The following TCF7L2 variants were observed in gnomAD, a reference collection of about 807,000 sequenced individuals.
TCF7L2 encodes the protein transcription factor 7 like 2, also known as transcription factor 7-like 2.
A neutral mutation model predicts 77.9 loss-of-function variants in TCF7L2; 23 were observed. The ratio of observed to expected loss-of-function variants is 0.30; its 90% CI spans 0.21 to 0.42. The LOEUF (loss-of-function observed/expected upper bound fraction) is 0.42, where lower values mean the gene tolerates loss of function less well. TCF7L2 is among the 10% of genes least tolerant of loss of function. The pLI, the probability that TCF7L2 is intolerant of heterozygous loss-of-function variation, is 1.00. For synonymous variants in TCF7L2, 413 were observed against 340.2 expected (o/e 1.21, Z -2.36); for missense variants, 654 against 793.1 (o/e 0.82, Z 2.11).
intron 4 of TCF7L2, among the ~76,000 whole-genome samples, chr10:112,991,103 T>G (rs2042452098): frequency 6.6e-6 from 1 of 152,146 alleles, no homozygotes; most frequent in Non-Finnish European, 1.5e-5. Flanking sequence ...TCGGACTGCC[T>G]GGCTTGTCTC....
intron 3 of TCF7L2, among the ~76,000 whole-genome samples, chr10:112,960,959 C>A (rs2034936804): frequency 6.6e-6 from 1 of 152,188 alleles, no homozygotes; most frequent in Admixed American, 6.5e-5. Flanking sequence ...TCCCAAAATG[C>A]TGGGATTACA....
At chr10:113,057,793 G>C (rs996904828) in intron 5 of TCF7L2, among the ~76,000 whole-genome samples, 8 of 152,174 alleles carry the variant, frequency 5.3e-5, no homozygotes, top group Non-Finnish European at 7.3e-5. Context: ...GACCTTTTCA[G>C]TGGTCATTCA....
chr10:113,021,951 G>A (rs1445467217), intron 4 of TCF7L2, among the ~76,000 whole-genome samples: 2 of 152,132 alleles, frequency 1.3e-5, no homozygotes, highest in Admixed American at 6.5e-5. Context: ...GGGGCACCAG[G>A]AGTTCTTTGA....
chr10:113,051,248 C>CACACAT (rs1564828540), intron 5 of TCF7L2, among the ~76,000 whole-genome samples: 1 of 143,318 alleles, frequency 7.0e-6, no homozygotes, highest in African/African-American at 2.6e-5. Context: ...CACACAGACA[C>CACACAT]ATACATATGC....
At chr10:113,070,053 C>G (rs921598067) in intron 5 of TCF7L2, among the ~76,000 whole-genome samples, 1 of 151,766 alleles carries the variant, frequency 6.6e-6, no homozygotes, top group Non-Finnish European at 1.5e-5. Context: ...GTCAGGAGAT[C>G]AAGACCAGCC....
chr10:113,135,519 T>G (rs1190992064), intron 5 of TCF7L2, among the ~76,000 whole-genome samples: 1 of 152,178 alleles, frequency 6.6e-6, no homozygotes, highest in Admixed American at 6.5e-5. Context: ...CAGATGAGGA[T>G]TTTGGTTCCT....
intron 4 of TCF7L2, among the ~76,000 whole-genome samples, chr10:112,978,535 G>A (rs1005842868): frequency 4.6e-5 from 7 of 150,934 alleles, no homozygotes; most frequent in African/African-American, 9.8e-5. Context: ...GTGCGATCTC[G>A]GCTCAGTGCA....
intron 5 of TCF7L2, among the ~76,000 whole-genome samples, chr10:113,057,068 C>G (rs537009321): frequency 6.6e-6 from 1 of 152,188 alleles, no homozygotes; most frequent in Non-Finnish European, 1.5e-5. Context: ...CCCTTTATGT[C>G]ACTTGAGGAA....
At chr10:113,026,255 G>T (rs145527827) in intron 4 of TCF7L2, among the ~76,000 whole-genome samples, 1 of 151,904 alleles carries the variant, frequency 6.6e-6, no homozygotes, top group African/African-American at 2.4e-5. Context: ...AGGTTCAAGC[G>T]ATTCTCCTGC....
intron 11 of TCF7L2, among the ~76,000 whole-genome samples, chr10:113,152,771 G>A (rs2071034155): frequency 6.6e-6 from 1 of 152,170 alleles, no homozygotes; most frequent in Non-Finnish European, 1.5e-5. Context: ...AGGACCTTAT[G>A]TTCCGGATTA....
At chr10:113,031,401 A>C (rs971591594) in intron 4 of TCF7L2, among the ~76,000 whole-genome samples, 14 of 152,098 alleles carry the variant, frequency 9.2e-5, no homozygotes, top group Non-Finnish European at 1.3e-4. Flanking sequence ...GCCACTACCA[A>C]GTTTCATTTA....
At chr10:113,149,718 A>G (rs1230562242) in intron 8 of TCF7L2, among the ~76,000 whole-genome samples, 1 of 145,216 alleles carries the variant, frequency 6.9e-6, no homozygotes. Flanking sequence ...TAAAGAGCAG[A>G]TTGTTATTCC....
chr10:113,161,223 G>A (rs1289710654), intron 13 of TCF7L2: 1 of 318,692 alleles, frequency 3.1e-6, no homozygotes, highest in African/African-American at 2.1e-5. Context: ...TTGGTTAGCT[G>A]ACATTGTTTT....
At chr10:113,068,525 G>A (rs1208054845) in intron 5 of TCF7L2, among the ~76,000 whole-genome samples, 2 of 152,154 alleles carry the variant, frequency 1.3e-5, no homozygotes, top group African/African-American at 4.8e-5. Flanking sequence ...GCCATGCCAT[G>A]GCAGCTGGGC....
intron 5 of TCF7L2, among the ~76,000 whole-genome samples, chr10:113,116,189 CCT>C (rs1359858576): frequency 1.3e-5 from 2 of 151,928 alleles, no homozygotes; most frequent in Non-Finnish European, 2.9e-5. Context: ...TCATTTTCTC[CCT>C]CTTTTCCCTT....
Position 113,151,159 on chromosome 10 carries a change from C to T in TCF7L2, c.1001+36C>T, listed in dbSNP as rs202100900. ...CTGTTTTTCTCACCTTCTTCGTAGC[C>T]GCAGTGTTCTGCAAGCCTGTTGCAG... On this transcript the variant is annotated intron_variant, in intron 9 of 13. Transcript: ENST00000627217. This position sits in a 1 kb window ranked among gnomAD's most constrained non-coding sequence, Gnocchi z 5.2. The T allele has an allele frequency of 2.6e-5, 42 of 1,613,528 alleles. No individual in the cohort carries two copies. The highest frequency in any genetic ancestry group is 1.4e-4 in the South Asian group (13 of 91,038).
chr10:113,086,966 T>G (rs1284535162), intron 5 of TCF7L2, among the ~76,000 whole-genome samples: 1 of 151,738 alleles, frequency 6.6e-6, no homozygotes, highest in Non-Finnish European at 1.5e-5. Flanking sequence ...AGTGTGGTCT[T>G]GAGGGGGTAA....
At chr10:112,969,702 C>G (rs2037810871) in intron 4 of TCF7L2, among the ~76,000 whole-genome samples, 1 of 152,198 alleles carries the variant, frequency 6.6e-6, no homozygotes, top group Non-Finnish European at 1.5e-5. Context: ...GTGCAGGCCC[C>G]TTCATGCAGT....
intron 5 of TCF7L2, chr10:113,089,665 C>T: frequency 1.6e-6 from 2 of 1,279,720 alleles, no homozygotes; most frequent in Non-Finnish European, 2.1e-6. Context: ...TGTTGGGTCA[C>T]TGTCATTTTG....
Sources: allele counts gnomAD v4.1 joint callset (sites outside exome capture counted in the v4.1 genomes callset), GRCh38; gene constraint gnomAD v4.1.1; non-coding constraint Gnocchi (gnomAD v3.1); transcripts MANE v1.5; gene names NCBI Gene and HGNC (gene_info 2026-07-23, HGNC 2026-07-21).